DLG2: variants seen among roughly 807,000 people sequenced by gnomAD.
DLG2 encodes the protein disks large homolog 2.
DLG2 carries 45 observed loss-of-function variants against 132.5 expected under a neutral mutation model. The ratio of observed to expected loss-of-function variants is 0.34; its 90% confidence interval spans 0.27 to 0.44. The LOEUF is 0.44. DLG2 is among the 20% of genes least tolerant of loss of function. The pLI, the probability that DLG2 is intolerant of heterozygous loss-of-function variation, is 1.00. For synonymous variants in DLG2, 424 were observed against 419.6 expected, an observed-to-expected ratio of 1.01 and a Z score of -0.13; for missense variants, 1,045 against 1,196.9, an observed-to-expected ratio of 0.87 and a Z score of 1.87.
intron 17 of DLG2, among the ~76,000 whole-genome samples, chr11:83,813,673 G>T (rs1490122403): frequency 6.6e-6 from 1 of 152,106 alleles, no homozygotes. Flanking sequence ...TTTAGATGAT[G>T]CCTCTTTTGG....
intron 3 of DLG2, among the ~76,000 whole-genome samples, chr11:85,405,928 G>C (rs2152972068): frequency 6.6e-6 from 1 of 152,028 alleles, no homozygotes; most frequent in South Asian, 2.1e-4. Flanking sequence ...ATTATCAAGA[G>C]ATATTACCAT....
chr11:84,410,638 G>A (rs1375742950), intron 7 of DLG2, among the ~76,000 whole-genome samples: 5 of 134,408 alleles, frequency 3.7e-5, no homozygotes, highest in Non-Finnish European at 7.6e-5. Context: ...GGAGTGCAAT[G>A]GTGTGATCTG....
chr11:84,303,333 T>C (rs1567227124), intron 7 of DLG2, among the ~76,000 whole-genome samples: 1 of 152,182 alleles, frequency 6.6e-6, no homozygotes, highest in Non-Finnish European at 1.5e-5. Flanking sequence ...TAACAGTCAA[T>C]GTTGACTGCT....
intron 17 of DLG2, among the ~76,000 whole-genome samples, chr11:83,807,836 C>T (rs186435394): frequency 1.3e-5 from 2 of 152,256 alleles, no homozygotes; most frequent in Admixed American, 6.5e-5. Context: ...AGATTAGATG[C>T]TTCGAAAGTA....
chr11:84,725,131 T>C (rs2062276278), intron 6 of DLG2, among the ~76,000 whole-genome samples: 1 of 152,072 alleles, frequency 6.6e-6, no homozygotes, highest in Non-Finnish European at 1.5e-5. Flanking sequence ...AGTGACAGAA[T>C]TGAGATCTGA....
chr11:83,480,512 G>A (rs531213792), intron 22 of DLG2: 99 of 1,499,454 alleles, frequency 6.6e-5, no homozygotes, highest in Admixed American at 3.4e-4. Flanking sequence ...AAATGTGAGC[G>A]AAAGGCAAGT....
intron 8 of DLG2, among the ~76,000 whole-genome samples, chr11:84,190,389 G>A (rs758397818): frequency 6.6e-6 from 1 of 152,102 alleles, no homozygotes; most frequent in Non-Finnish European, 1.5e-5. Flanking sequence ...GAACCTCAAG[G>A]TTACAAAGTT....
At chr11:84,621,347 T>A (rs2099613582) in intron 6 of DLG2, among the ~76,000 whole-genome samples, 1 of 151,674 alleles carries the variant, frequency 6.6e-6, no homozygotes, top group African/African-American at 2.4e-5. Context: ...AAGCTGGGGG[T>A]TAATTAGGAG....
chr11:83,577,684 C>A (rs1472960289), intron 19 of DLG2, among the ~76,000 whole-genome samples: 3 of 113,684 alleles, frequency 2.6e-5, no homozygotes, highest in Non-Finnish European at 5.1e-5. Context: ...CTATTTATAT[C>A]CTATAATAAA....
chr11:83,849,302 TATAA>T (rs141515021), intron 16 of DLG2, among the ~76,000 whole-genome samples: 11,308 of 138,352 alleles, frequency 0.082, 458 homozygotes, highest in South Asian at 0.12. Flanking sequence ...GATAAATAAA[TATAA>T]ATAAATAATA....
At chr11:83,710,016 A>T (rs2085021981) in intron 18 of DLG2, among the ~76,000 whole-genome samples, 1 of 152,202 alleles carries the variant, frequency 6.6e-6, no homozygotes, top group Non-Finnish European at 1.5e-5. Context: ...TAGAAAAAGC[A>T]AAGGGGAAAG....
intron 7 of DLG2, among the ~76,000 whole-genome samples, chr11:84,520,171 C>T (rs1269672574): frequency 6.6e-6 from 1 of 152,154 alleles, no homozygotes; most frequent in Non-Finnish European, 1.5e-5. Flanking sequence ...TTTTAACTTA[C>T]ATAAACTCTG....
At chr11:83,757,220 C>A (rs2093684494) in intron 18 of DLG2, among the ~76,000 whole-genome samples, 1 of 152,202 alleles carries the variant, frequency 6.6e-6, no homozygotes, top group South Asian at 2.1e-4. Flanking sequence ...GAGTAAGTGA[C>A]AGAGTTGGAA....
intron 7 of DLG2, among the ~76,000 whole-genome samples, chr11:84,367,738 T>C (rs116783720): frequency 8.1e-4 from 123 of 152,238 alleles, no homozygotes; most frequent in African/African-American, 2.7e-3. Flanking sequence ...ACACAGCAAG[T>C]GGACCTCACC....
rs560232692 is a variant in DLG2, at chr11:84,551,967, G to T, written c.358-17236C>A. ...CCTCTCTCATGTCTTCCAGAGTGGG[G>T]TCCATCTAACTAAATTGCCAGAACA... On this transcript the variant is annotated intron_variant, in intron 6 of 27. Coordinates refer to ENST00000376104, the MANE Select transcript of DLG2 (RefSeq NM_001142699.3). Among the ~76,000 whole-genome samples, 6 of 152,240 alleles carry T rather than the reference G, an allele frequency of 3.9e-5. No individual in the cohort carries two copies. In the East Asian group the frequency reaches 1.2e-3, roughly 29 times the overall value.
At chr11:85,272,949 A>T (rs2077635887) in intron 4 of DLG2, among the ~76,000 whole-genome samples, 1 of 152,168 alleles carries the variant, frequency 6.6e-6, no homozygotes, top group South Asian at 2.1e-4. Flanking sequence ...AAATAACACT[A>T]CACATCTACA....
intron 3 of DLG2, among the ~76,000 whole-genome samples, chr11:85,583,130 G>GTGTATA (rs1555190569): frequency 8.0e-3 from 108 of 13,584 alleles, no homozygotes; most frequent in Non-Finnish European, 0.01. Context: ...GTGTGTGTGT[G>GTGTATA]TATATATATA....
At chr11:83,812,168 C>T (rs902524056) in intron 17 of DLG2, among the ~76,000 whole-genome samples, 1 of 152,136 alleles carries the variant, frequency 6.6e-6, no homozygotes, top group Non-Finnish European at 1.5e-5. Flanking sequence ...AAGCTCAATT[C>T]AAATCCTACT....
intron 7 of DLG2, among the ~76,000 whole-genome samples, chr11:84,513,103 C>T (rs1016614870): frequency 6.6e-6 from 1 of 151,900 alleles, no homozygotes; most frequent in Admixed American, 6.6e-5. Context: ...TGTATACCTG[C>T]ACAAACCTGC....
Sources: gnomAD v4.1 joint callset for allele counts (sites outside exome capture counted in the v4.1 genomes callset) on GRCh38, gnomAD v4.1.1 for gene constraint, MANE v1.5 for transcripts, NCBI Gene and HGNC (gene_info 2026-07-23, HGNC 2026-07-21) for gene names.